Variants in AGAP1 observed in about 807,000 individuals in gnomAD.
The protein encoded by AGAP1 is arf-GAP with GTPase, ANK repeat and PH domain-containing protein 1.
In AGAP1, 29 loss-of-function variants were observed where a neutral mutation model predicts 105.3. That is an observed-to-expected ratio of 0.28 (90% CI 0.21 to 0.38). The LOEUF (loss-of-function observed/expected upper bound fraction) is 0.38. AGAP1 is among the 10% of genes least tolerant of loss of function. The probability of loss-of-function intolerance (pLI) is 1.00; values close to 1 mark genes in which losing one functional copy is unlikely to be tolerated. For missense variants in AGAP1, 998 were observed against 1,165.1 expected, an observed-to-expected ratio of 0.86 and a Z score of 2.09; for synonymous variants, 509 against 485.9, an observed-to-expected ratio of 1.05 and a Z score of -0.63.
In AGAP1 at chr2:235,872,030, G is replaced by A. The variant is rs904973296; in HGVS notation, c.1051-11315G>A. Among the ~76,000 whole-genome samples, 5 of 152,160 alleles carry A rather than the reference G, an allele frequency of 3.3e-5. No individual in the cohort carries two copies. The highest frequency in any genetic ancestry group is 7.3e-5 in the Non-Finnish European group (5 of 68,038). On this transcript the variant is annotated intron_variant, in intron 9 of 17. Transcript: ENST00000304032. The surrounding 1 kb of genome is among the most constrained non-coding windows in gnomAD (Gnocchi z 4.5). ...TGTCCTTATCCATGAAATGAGAATC[G>A]TCGTGGATATCAGTTGTGATTGCAG...
chr2:235,653,276 T>C (rs1388147795), intron 1 of AGAP1, among the ~76,000 whole-genome samples: 2 of 151,954 alleles, frequency 1.3e-5, no homozygotes, highest in African/African-American at 4.8e-5. Flanking sequence ...CCATCCTGGC[T>C]ATCACGGTGA....
At chr2:235,499,125 C>T (rs55876894) in intron 1 of AGAP1, among the ~76,000 whole-genome samples, 70,536 of 152,028 alleles carry the variant, frequency 0.46, 17,099 homozygotes, top group Admixed American at 0.57. Context: ...TGTGCGAGAG[C>T]GGTGAGCTGG....
At position 235,931,681 on chromosome 2, in the gene AGAP1, C is replaced by T. The variant is rs1023887706; in HGVS notation, c.1483+758C>T. Among the ~76,000 whole-genome samples the T allele has an allele frequency of 1.3e-5, 2 of 151,964 alleles. No homozygotes were observed. The highest frequency in any genetic ancestry group is 6.6e-5 in the Admixed American group (1 of 15,260). The stretch of plus-strand genomic sequence containing the variant: ...TAGAGTAATCTTAGCATAATTTGTT[C>T]TAATTAAAAGATTCAGCATCAGGTC... On this transcript the variant is annotated intron_variant, in intron 12 of 17. Coordinates refer to ENST00000304032, the MANE Select transcript of AGAP1 (RefSeq NM_001037131.3). The surrounding 1 kb of genome is among the most constrained non-coding windows in gnomAD (Gnocchi z 5.6).
rs1191536728 is a variant in AGAP1 at position 235,824,664 on chromosome 2, G to A, written c.1050+17333G>A. 3.3e-5 allele frequency among the ~76,000 whole-genome samples: 5 copies of A among 152,062 alleles called. 1 individual carries two copies. The highest frequency in any genetic ancestry group is 3.3e-4 in the Admixed American group (5 of 15,260). On this transcript the variant is annotated intron_variant, in intron 9 of 17. Transcript: ENST00000304032. This position sits in a 1 kb window ranked among gnomAD's most constrained non-coding sequence, Gnocchi z 5.2. The stretch of plus-strand genomic sequence containing the variant: ...GCTCCTTTTCCCCCTTTTTGTTGTT[G>A]CATTCAGTTAACAGTGACTATTCCC...
At position 235,951,949 on chromosome 2, in the gene AGAP1, C is replaced by T. The variant is rs2053755585; in HGVS notation, c.1484-16513C>T. On this transcript the variant is annotated intron_variant, in intron 12 of 17. Transcript: ENST00000304032. This position sits in a 1 kb window ranked among gnomAD's most constrained non-coding sequence, Gnocchi z 4.2. Reference sequence around the variant, plus strand: ...CTCATTTACCATCTGGTTTGGGGAACCTTCTGTCATCCTACCTGCTATGTA... The same window carrying T: ...CTCATTTACCATCTGGTTTGGGGAATCTTCTGTCATCCTACCTGCTATGTA... Among the ~76,000 whole-genome samples, 1 of 152,182 alleles carries T rather than the reference C, an allele frequency of 6.6e-6. No individual in the cohort carries two copies. The highest frequency in any genetic ancestry group is 2.4e-5 in the African/African-American group (1 of 41,440).
At chr2:235,749,041 C>T (rs1033966639) in intron 5 of AGAP1, among the ~76,000 whole-genome samples, 2 of 151,952 alleles carry the variant, frequency 1.3e-5, no homozygotes, top group Admixed American at 6.6e-5. Flanking sequence ...AACCCCGTGT[C>T]GACTAAAAAT....
At chr2:235,762,251 G>A (rs1036405269) in intron 6 of AGAP1, among the ~76,000 whole-genome samples, 3 of 152,170 alleles carry the variant, frequency 2.0e-5, no homozygotes, top group Non-Finnish European at 4.4e-5. Context: ...TGAAAGATGA[G>A]GAATAGTAAT....
chr2:235,615,578 A>G lies in AGAP1; in HGVS notation c.164-93601A>G, dbSNP rs1178498841. On this transcript the variant is annotated intron_variant, in intron 1 of 17. Coordinates refer to ENST00000304032, the MANE Select transcript of AGAP1 (RefSeq NM_001037131.3). This position sits in a 1 kb window ranked among gnomAD's most constrained non-coding sequence, Gnocchi z 5.0. Reference sequence around the variant, plus strand: ...GCAACCTATTTTTTAATGCCAAGAGAAAGTATTTTAAGGAAGTGGGGTCAG... The same window carrying G: ...GCAACCTATTTTTTAATGCCAAGAGGAAGTATTTTAAGGAAGTGGGGTCAG... 2.0e-5 allele frequency among the ~76,000 whole-genome samples: 3 copies of G among 152,148 alleles called. No individual in the cohort carries two copies. The highest frequency in any genetic ancestry group is 6.5e-5 in the Admixed American group (1 of 15,276).
chr2:235,803,874 AAAAC>A (rs1055898692), intron 8 of AGAP1, among the ~76,000 whole-genome samples: 5 of 152,226 alleles, frequency 3.3e-5, no homozygotes, highest in Admixed American at 2.0e-4. Context: ...CTTTGGAAAA[AAAAC>A]AAACATTAAA....
intron 1 of AGAP1, among the ~76,000 whole-genome samples, chr2:235,520,593 C>G (rs564890827): frequency 5.3e-5 from 8 of 152,170 alleles, no homozygotes; most frequent in African/African-American, 1.2e-4. Flanking sequence ...GTCCTTTTGC[C>G]CACGTTAGCA....
Position 235,904,975 on chromosome 2 carries a change from T to A in AGAP1, c.1156-3763T>A, listed in dbSNP as rs1229540906. 6.7e-6 allele frequency among the ~76,000 whole-genome samples: 1 copy of A among 148,888 alleles called. No homozygotes were observed. The highest frequency in any genetic ancestry group is 2.5e-5 in the African/African-American group (1 of 40,712). On this transcript the variant is annotated intron_variant, in intron 10 of 17. Transcript: ENST00000304032. This position sits in a 1 kb window ranked among gnomAD's most constrained non-coding sequence, Gnocchi z 4.2. ...TATTTTAAATACCGATTTTATTTAT[T>A]TTTTTTTTTTAGAGCTAGTTCTTCT...
intron 6 of AGAP1, among the ~76,000 whole-genome samples, chr2:235,768,469 A>G (rs1313278454): frequency 6.6e-6 from 1 of 152,228 alleles, no homozygotes; most frequent in Non-Finnish European, 1.5e-5. Context: ...GTCATGAGAA[A>G]AGAAGTTAAG....
intron 1 of AGAP1, among the ~76,000 whole-genome samples, chr2:235,685,346 A>G (rs1048123468): frequency 1.3e-5 from 2 of 151,306 alleles, no homozygotes; most frequent in African/African-American, 4.9e-5. Flanking sequence ...CTCAGTTCTC[A>G]TCTCTCTGGG....
At chr2:235,613,468 A>T (rs187903079) in intron 1 of AGAP1, among the ~76,000 whole-genome samples, 4 of 152,342 alleles carry the variant, frequency 2.6e-5, no homozygotes, top group African/African-American at 9.6e-5. Flanking sequence ...CCTTCCTTCA[A>T]TGAGAAGACT....
chr2:235,777,676 C>T lies in AGAP1; in HGVS notation c.674-20083C>T, dbSNP rs1421743620. On this transcript the variant is annotated intron_variant, in intron 6 of 17. Transcript: ENST00000304032. This position sits in a 1 kb window ranked among gnomAD's most constrained non-coding sequence, Gnocchi z 5.1. ...CTGTCACCTGAGCACGTTCAAGCCT[C>T]CTGCCCAGCACCTTCCTAGAGCACC... 6.6e-6 allele frequency among the ~76,000 whole-genome samples: 1 copy of T among 152,180 alleles called. No individual in the cohort carries two copies. The highest frequency in any genetic ancestry group is 1.5e-5 in the Non-Finnish European group (1 of 68,030).
intron 9 of AGAP1, among the ~76,000 whole-genome samples, chr2:235,809,627 G>A (rs2150104414): frequency 6.6e-6 from 1 of 152,320 alleles, no homozygotes; most frequent in East Asian, 1.9e-4. Context: ...CCTTGTCAAA[G>A]CCTCTCTGTG....
intron 6 of AGAP1, among the ~76,000 whole-genome samples, chr2:235,768,711 C>A (rs755597558): frequency 6.6e-6 from 1 of 152,170 alleles, no homozygotes; most frequent in Admixed American, 6.5e-5. Flanking sequence ...ATTCACAGAA[C>A]CTACCTGCAG....
chr2:235,954,955 C>G (rs2053886013), intron 12 of AGAP1, among the ~76,000 whole-genome samples: 1 of 152,136 alleles, frequency 6.6e-6, no homozygotes, highest in Non-Finnish European at 1.5e-5. Context: ...ATGGCACTGC[C>G]TCCCCTTGGT....
At chr2:235,607,949 T>C (rs1946000848) in intron 1 of AGAP1, among the ~76,000 whole-genome samples, 1 of 152,324 alleles carries the variant, frequency 6.6e-6, no homozygotes, top group South Asian at 2.1e-4. Context: ...ACCAAAAAAA[T>C]GCATCTAGAT....
Sources: allele counts gnomAD v4.1 joint callset (sites outside exome capture counted in the v4.1 genomes callset), GRCh38; gene constraint gnomAD v4.1.1; non-coding constraint Gnocchi (gnomAD v3.1); transcripts MANE v1.5; gene names NCBI Gene and HGNC (gene_info 2026-07-23, HGNC 2026-07-21).